Variants in PLD5 observed in about 807,000 individuals in gnomAD.
PLD5 encodes the protein inactive phospholipase D5.
A neutral mutation model predicts 61.1 loss-of-function variants in PLD5; 36 were observed. The observed-to-expected ratio is 0.59, with a 90% CI of 0.45 to 0.78. PLD5 has a LOEUF of 0.78. Ranked by LOEUF, PLD5 falls within the 30% of genes least tolerant of loss-of-function variation. The pLI is 0.00. For missense variants in PLD5, 515 were observed against 644.4 expected (o/e 0.80, Z 2.17); for synonymous variants, 243 against 242.8 (o/e 1.00, Z -0.01).
At position 242,170,346 on chromosome 1, in the gene PLD5, G is replaced by C. The variant is rs570293050; in HGVS notation, c.736-45681C>G. 1.2e-4 allele frequency among the ~76,000 whole-genome samples: 18 copies of C among 152,308 alleles called. No individual in the cohort carries two copies. The East Asian group carries it at 3.5e-3, about 29-fold the overall frequency. On this transcript the variant is annotated intron_variant, in intron 5 of 9. Transcript: ENST00000536534. Reference sequence around the variant, plus strand: ...CAGCAGACCCACAGCAGAGGGGCCTGTTAGAAGGAAAACTAACAAAAAGGA... The same window carrying C: ...CAGCAGACCCACAGCAGAGGGGCCTCTTAGAAGGAAAACTAACAAAAAGGA...
At chr1:242,259,554 T>C (rs1673269712) in intron 4 of PLD5, among the ~76,000 whole-genome samples, 1 of 152,192 alleles carries the variant, frequency 6.6e-6, no homozygotes, top group Non-Finnish European at 1.5e-5. Context: ...CTAAATGGTT[T>C]CAAATGCCTT....
intron 2 of PLD5, among the ~76,000 whole-genome samples, chr1:242,310,502 T>G (rs1271016514): frequency 6.6e-6 from 1 of 152,186 alleles, no homozygotes; most frequent in Non-Finnish European, 1.5e-5. Context: ...GGGAGGTCCT[T>G]TTAAAAATAT....
intron 2 of PLD5, among the ~76,000 whole-genome samples, chr1:242,321,228 A>C (rs1272167156): frequency 6.6e-6 from 1 of 151,310 alleles, no homozygotes; most frequent in Non-Finnish European, 1.5e-5. Flanking sequence ...AAAAAAAATA[A>C]TGGAGAGTTT....
At chr1:242,352,731 G>A (rs980023575) in intron 1 of PLD5, among the ~76,000 whole-genome samples, 2 of 152,084 alleles carry the variant, frequency 1.3e-5, no homozygotes, top group Non-Finnish European at 2.9e-5. Flanking sequence ...TTTGATGATA[G>A]CCACTCTAAC....
At chr1:242,504,611 A>G (rs6670145) in intron 1 of PLD5, among the ~76,000 whole-genome samples, 5,405 of 152,292 alleles carry the variant, frequency 0.035, 337 homozygotes, top group African/African-American at 0.12. Flanking sequence ...AATAAATTCT[A>G]AAGTCTCCCC....
At chr1:242,186,556 T>G (rs1667909424) in intron 5 of PLD5, among the ~76,000 whole-genome samples, 1 of 151,984 alleles carries the variant, frequency 6.6e-6, no homozygotes. Flanking sequence ...CCAAAAAATG[T>G]TGAGAAATGA....
chr1:242,157,053 C>T (rs748967201), intron 5 of PLD5, among the ~76,000 whole-genome samples: 4 of 151,914 alleles, frequency 2.6e-5, no homozygotes, highest in Non-Finnish European at 5.9e-5. Flanking sequence ...TGTTCATTCC[C>T]TTTCATTCTT....
intron 1 of PLD5, among the ~76,000 whole-genome samples, chr1:242,394,927 T>C (rs1461612056): frequency 2.8e-5 from 2 of 71,796 alleles, no homozygotes; most frequent in Admixed American, 1.8e-4. Context: ...TATATATGTA[T>C]ACATTATATG....
At chr1:242,270,618 G>A (rs1355804621) in intron 3 of PLD5, among the ~76,000 whole-genome samples, 1 of 152,236 alleles carries the variant, frequency 6.6e-6, no homozygotes, top group Non-Finnish European at 1.5e-5. Context: ...AAGCAGTGCT[G>A]GGGCTGAGGG....
chr1:242,221,068 A>G (rs975963224), intron 4 of PLD5, among the ~76,000 whole-genome samples: 8 of 152,210 alleles, frequency 5.3e-5, no homozygotes, highest in Non-Finnish European at 7.3e-5. Context: ...ACTGAAATGC[A>G]ACCTTGAATG....
At chr1:242,154,139 G>A (rs1036327424) in intron 5 of PLD5, among the ~76,000 whole-genome samples, 2 of 151,296 alleles carry the variant, frequency 1.3e-5, no homozygotes, top group Non-Finnish European at 3.0e-5. Flanking sequence ...TCATGATTTG[G>A]CTGTTTGTCT....
chr1:242,371,815 GA>G (rs1304933955), intron 1 of PLD5, among the ~76,000 whole-genome samples: 2 of 152,112 alleles, frequency 1.3e-5, no homozygotes, highest in East Asian at 3.9e-4. Flanking sequence ...CTCAGTGGTA[GA>G]AGGAAGAGAG....
chr1:242,310,545 T>C (rs1396555518), intron 2 of PLD5, among the ~76,000 whole-genome samples: 2 of 152,206 alleles, frequency 1.3e-5, no homozygotes, highest in Admixed American at 6.5e-5. Flanking sequence ...CACTTAGTTT[T>C]CTTGCACCAA....
chr1:242,434,589 T>C (rs1665893511), intron 1 of PLD5, among the ~76,000 whole-genome samples: 1 of 152,180 alleles, frequency 6.6e-6, no homozygotes, highest in African/African-American at 2.4e-5. Context: ...CTATGGTCTA[T>C]TGAGACATCC....
chr1:242,365,894 AG>A (rs895884059), intron 1 of PLD5: 4 of 152,888 alleles, frequency 2.6e-5, no homozygotes, highest in Admixed American at 2.0e-4. Flanking sequence ...CATTCAAAAA[AG>A]ATAGATAACC....
chr1:242,329,143 T>G (rs1041336404), intron 2 of PLD5, among the ~76,000 whole-genome samples: 2 of 152,058 alleles, frequency 1.3e-5, no homozygotes, highest in African/African-American at 4.8e-5. Flanking sequence ...TCCGAATAGC[T>G]GGGATTACAG....
intron 1 of PLD5, among the ~76,000 whole-genome samples, chr1:242,474,048 T>C (rs1472584167): frequency 6.6e-6 from 1 of 152,186 alleles, no homozygotes; most frequent in Non-Finnish European, 1.5e-5. Flanking sequence ...CTTTATTATA[T>C]AGGCATTACA....
At chr1:242,520,765 A>G (rs143431512) in intron 1 of PLD5, among the ~76,000 whole-genome samples, 4 of 152,296 alleles carry the variant, frequency 2.6e-5, no homozygotes, top group African/African-American at 9.6e-5. Flanking sequence ...TGGGATAGTC[A>G]CATCTTATTA....
At chr1:242,135,924 G>A (rs1249961435) in intron 5 of PLD5, among the ~76,000 whole-genome samples, 3 of 152,142 alleles carry the variant, frequency 2.0e-5, no homozygotes, top group Non-Finnish European at 2.9e-5. Context: ...CCTCCCTAGC[G>A]AGACGAAGGA....
Sources: allele counts gnomAD v4.1 joint callset (sites outside exome capture counted in the v4.1 genomes callset), GRCh38; gene constraint gnomAD v4.1.1; transcripts MANE v1.5; gene names NCBI Gene and HGNC (gene_info 2026-07-23, HGNC 2026-07-21).